The following ANK1 variants were observed in gnomAD, a reference collection of about 807,000 sequenced individuals.
ANK1 encodes the protein ankyrin-1.
In ANK1, 51 loss-of-function variants were observed where a neutral mutation model predicts 210.4. That is an observed-to-expected ratio of 0.24 (90% confidence interval 0.19 to 0.31). ANK1 has a LOEUF of 0.31. Among genes scored for constraint, ANK1 ranks in the 10% least tolerant of loss-of-function variants. The pLI, the probability that ANK1 is intolerant of heterozygous loss-of-function variation, is 1.00. For missense variants in ANK1, 2,051 were observed against 2,504.4 expected (o/e 0.82, Z 3.86); for synonymous variants, 967 against 1,025.9 (o/e 0.94, Z 1.10).
chr8:41,769,977 C>CTTTTTTTTTTTTTTTT (rs59542968), intron 1 of ANK1, among the ~76,000 whole-genome samples: 9 of 86,656 alleles, frequency 1.0e-4, no homozygotes, highest in East Asian at 7.3e-4. Flanking sequence ...TTTCTTTTTT[C>CTTTTTTTTTTTTTTTT]TTTTTTTTTT....
chr8:41,656,657 TAAG>T, intron 42 of ANK1, among the ~76,000 whole-genome samples: 1 of 152,248 alleles, frequency 6.6e-6, no homozygotes, highest in Middle Eastern at 3.4e-3. Context: ...GATGCTTCAA[TAAG>T]GAGGAGGTGA....
chr8:41,831,304 C>T (rs189324187), intron 1 of ANK1, among the ~76,000 whole-genome samples: 21 of 152,296 alleles, frequency 1.4e-4, no homozygotes, highest in Non-Finnish European at 2.8e-4. Context: ...CAGTAACATA[C>T]TTTGCACATG....
intron 1 of ANK1, among the ~76,000 whole-genome samples, chr8:41,855,620 G>A (rs908801192): frequency 6.6e-6 from 1 of 152,204 alleles, no homozygotes; most frequent in Admixed American, 6.5e-5. Context: ...TCAGGAGAAA[G>A]GTCACTGCCT....
At chr8:41,748,844 G>A (rs929381631) in intron 2 of ANK1, among the ~76,000 whole-genome samples, 4 of 152,186 alleles carry the variant, frequency 2.6e-5, no homozygotes, top group African/African-American at 4.8e-5. Flanking sequence ...GACCATCCCA[G>A]CTAACACAGT....
rs1033435972 is a variant in ANK1 at position 41,767,745 on chromosome 8, G to C, written c.28-9608C>G. ...GGGCGGGCGTCCTGCCCCTGCGGAG[G>C]GGAGGCACACACGTCCAGTGGAGGT... On this transcript the variant is annotated intron_variant, in intron 1 of 42. Coordinates refer to ENST00000289734, the MANE Select transcript of ANK1 (RefSeq NM_000037.4). Among the ~76,000 whole-genome samples, 4 of 152,250 alleles carry C rather than the reference G, an allele frequency of 2.6e-5. 1 individual carries two copies. Among genetic ancestry groups the C allele is most frequent in the African/African-American group, 9.6e-5 (4 of 41,556 alleles).
intron 22 of ANK1, chr8:41,700,519 A>G (rs16890764): frequency 0.018 from 26,684 of 1,507,768 alleles, 483 homozygotes; most frequent in African/African-American, 0.088. Context: ...AGCGAGAGGC[A>G]TATATTATCC....
Position 41,701,998 on chromosome 8 carries a change from C to T in ANK1, c.2388+54G>A, listed in dbSNP as rs1195592126. 5 of 1,563,320 alleles carry T rather than the reference C, an allele frequency of 3.2e-6. No individual in the cohort carries two copies. In the African/African-American group the frequency reaches 5.4e-5, roughly 17 times the overall value. On this transcript the variant is annotated intron_variant, in intron 21 of 42. Coordinates refer to ENST00000289734, the MANE Select transcript of ANK1 (RefSeq NM_000037.4). ...ACTTCCAGAGTAACCCCAGGCACGC[C>T]TGTGCGCCAGGCTGAGTGTGTCTGG...
At position 41,655,129 on chromosome 8, in the gene ANK1, G is replaced by GGTGT. The variant is rs3063734; in HGVS notation, c.*657_*660dup. 0.43 allele frequency: 63,308 copies of GGTGT among 145,548 alleles called. 13,621 individuals are homozygous for GGTGT. Among genetic ancestry groups the GGTGT allele is most frequent in the South Asian group, 0.48 (2,167 of 4,504 alleles). The allele number at this position is 145,548 out of a possible 1,614,324, so 9.0% of individuals were successfully genotyped here. On this transcript the variant is annotated 3_prime_UTR_variant, in exon 43 of 43. Transcript: ENST00000289734. ...GTGTGTAGATTCAGTGGAGGCGAGT[G>GGTGT]GTGTGTGTGTGTGTGTGTGTGTGTC...
At chr8:41,859,812 A>T (rs4736823) in intron 1 of ANK1, among the ~76,000 whole-genome samples, 54,215 of 152,124 alleles carry the variant, frequency 0.36, 10,016 homozygotes, top group African/African-American at 0.45. Flanking sequence ...TGGAGCTTTA[A>T]AAGTCCAAGC....
At position 41,655,150 on chromosome 8, in the gene ANK1, G is replaced by T; in HGVS notation, c.*640C>A. 6.5e-6 allele frequency: 1 copy of T among 154,414 alleles called. No individual in the cohort carries two copies. Among genetic ancestry groups the T allele is most frequent in the Admixed American group, 6.3e-5 (1 of 15,814 alleles). 9.6% of individuals were successfully genotyped at this position (154,414 alleles called of 1,614,324 possible). A position where few individuals can be genotyped will look rare whatever the true frequency, so the allele number is the denominator to read the frequency against. On this transcript the variant is annotated 3_prime_UTR_variant, in exon 43 of 43. Transcript: ENST00000289734. ...GAGTGGTGTGTGTGTGTGTGTGTGT[G>T]TGTCCTGAATGTCATGTAGAGCGAT...
intron 1 of ANK1, among the ~76,000 whole-genome samples, chr8:41,891,170 A>G (rs1305036446): frequency 6.6e-6 from 1 of 152,236 alleles, no homozygotes; most frequent in Non-Finnish European, 1.5e-5. Context: ...GGTGTTGCCA[A>G]AGCAGACACA....
At chr8:41,686,952 C>T (rs918692599) in intron 35 of ANK1, among the ~76,000 whole-genome samples, 2 of 152,128 alleles carry the variant, frequency 1.3e-5, no homozygotes, top group East Asian at 1.9e-4. Context: ...TCAGAACACG[C>T]ACATACAACA....
At chr8:41,822,190 GAAAGAAAGA>G (rs1804579907) in intron 1 of ANK1, among the ~76,000 whole-genome samples, 1 of 147,034 alleles carries the variant, frequency 6.8e-6, no homozygotes, top group South Asian at 2.2e-4. Flanking sequence ...AAGAAAGAAG[GAAAGAAAGA>G]AAAGAAAGAA....
intron 1 of ANK1, among the ~76,000 whole-genome samples, chr8:41,880,338 C>A (rs2150830966): frequency 6.6e-6 from 1 of 152,296 alleles, no homozygotes; most frequent in Non-Finnish European, 1.5e-5. Flanking sequence ...ATCTCTGAAG[C>A]AAAGCCATGA....
At chr8:41,832,600 C>G (rs934918419) in intron 1 of ANK1, among the ~76,000 whole-genome samples, 8 of 152,180 alleles carry the variant, frequency 5.3e-5, no homozygotes, top group Non-Finnish European at 1.0e-4. Flanking sequence ...GCCAGCTGCC[C>G]AGTCCCCTGT....
At chr8:41,878,415 C>T (rs1381051628) in intron 1 of ANK1, among the ~76,000 whole-genome samples, 29 of 152,208 alleles carry the variant, frequency 1.9e-4, no homozygotes, top group Non-Finnish European at 2.9e-5. Context: ...GACCTGGCCT[C>T]ACCAGAAACC....
intron 1 of ANK1, among the ~76,000 whole-genome samples, chr8:41,884,120 C>T (rs1818046537): frequency 6.6e-6 from 1 of 152,162 alleles, no homozygotes; most frequent in South Asian, 2.1e-4. Context: ...GAGGCCGAGG[C>T]AGACAGATTT....
intron 3 of ANK1, among the ~76,000 whole-genome samples, chr8:41,731,813 C>G (rs1343293705): frequency 1.3e-5 from 2 of 152,236 alleles, no homozygotes; most frequent in East Asian, 1.9e-4. Flanking sequence ...AGCGCTGAAG[C>G]CTCGTGTTTC....
chr8:41,716,887 G>C, intron 13 of ANK1, 66 bp downstream of exon 13: 1 of 1,505,566 alleles, frequency 6.6e-7, no homozygotes, highest in South Asian at 1.1e-5. Context: ...AATGAGGATG[G>C]GTTCTCTGCA....
Sources: gnomAD v4.1 joint callset for allele counts (sites outside exome capture counted in the v4.1 genomes callset) on GRCh38, gnomAD v4.1.1 for gene constraint, MANE v1.5 for transcripts, NCBI Gene and HGNC (gene_info 2026-07-23, HGNC 2026-07-21) for gene names.